Variants in CNTNAP2 observed in about 807,000 individuals in gnomAD.
CNTNAP2 encodes contactin associated protein 2, also known as contactin-associated protein-like 2.
In CNTNAP2, 98 loss-of-function variants were observed where a neutral mutation model predicts 155.2. The ratio of observed to expected loss-of-function variants is 0.63; its 90% CI spans 0.54 to 0.75. CNTNAP2 has a LOEUF of 0.75. CNTNAP2 is among the 30% of genes least tolerant of loss of function. The pLI is 0.00. For missense variants in CNTNAP2, 1,727 were observed against 1,688.1 expected (o/e 1.02, Z -0.40); for synonymous variants, 651 against 631.2 (o/e 1.03, Z -0.47).
intron 16 of CNTNAP2, among the ~76,000 whole-genome samples, chr7:148,142,738 A>C (rs1805100657): frequency 6.6e-6 from 1 of 152,188 alleles, no homozygotes; most frequent in Non-Finnish European, 1.5e-5. Context: ...CTGCTGAGAA[A>C]ACTTAGAGCC....
intron 8 of CNTNAP2, among the ~76,000 whole-genome samples, chr7:147,191,117 G>T (rs900639581): frequency 1.1e-4 from 17 of 152,218 alleles, no homozygotes; most frequent in African/African-American, 3.9e-4. Flanking sequence ...ATAGAGACAG[G>T]GTGGGAGAGG....
At chr7:148,067,140 C>T (rs769337901) in intron 15 of CNTNAP2, among the ~76,000 whole-genome samples, 28 of 152,132 alleles carry the variant, frequency 1.8e-4, no homozygotes, top group Non-Finnish European at 3.5e-4. Flanking sequence ...CCATTGCTGG[C>T]GAGCTAGTGT....
At chr7:148,138,956 G>C (rs1227427878) in intron 16 of CNTNAP2, among the ~76,000 whole-genome samples, 1 of 152,090 alleles carries the variant, frequency 6.6e-6, no homozygotes. Flanking sequence ...AATTAGAAGA[G>C]CTTTGCATTT....
intron 1 of CNTNAP2, among the ~76,000 whole-genome samples, chr7:146,737,719 G>A (rs944850877): frequency 6.6e-6 from 1 of 151,894 alleles, no homozygotes; most frequent in African/African-American, 2.4e-5. Context: ...TTTGAGAAAT[G>A]CCTATTCAGA....
chr7:147,620,839 A>G (rs549817505), intron 12 of CNTNAP2, among the ~76,000 whole-genome samples: 2 of 152,256 alleles, frequency 1.3e-5, no homozygotes, highest in African/African-American at 4.8e-5. Context: ...CAAAGGTATA[A>G]TAACAAAACC....
chr7:146,261,680 A>G (rs559756488), intron 1 of CNTNAP2, among the ~76,000 whole-genome samples: 104 of 152,210 alleles, frequency 6.8e-4, no homozygotes, highest in African/African-American at 2.4e-3. Flanking sequence ...CTGATAACTC[A>G]TATATTGTAG....
chr7:147,141,926 G>A (rs1471257711), intron 8 of CNTNAP2, among the ~76,000 whole-genome samples: 1 of 151,988 alleles, frequency 6.6e-6, no homozygotes, highest in Admixed American at 6.6e-5. Context: ...TAAAGAATAA[G>A]TCCTGAGACT....
chr7:146,536,069 C>T (rs1032707008), intron 1 of CNTNAP2, among the ~76,000 whole-genome samples: 7 of 152,088 alleles, frequency 4.6e-5, no homozygotes, highest in Non-Finnish European at 1.0e-4. Context: ...TCTCCTTTCT[C>T]CCTCATTCTA....
intron 12 of CNTNAP2, among the ~76,000 whole-genome samples, chr7:147,587,892 A>G (rs1170571082): frequency 6.6e-6 from 1 of 152,170 alleles, no homozygotes; most frequent in Non-Finnish European, 1.5e-5. Context: ...ATATTATGTT[A>G]GAAGCCAGAA....
chr7:148,233,469 G>A (rs1471581685), intron 20 of CNTNAP2, among the ~76,000 whole-genome samples: 1 of 152,096 alleles, frequency 6.6e-6, no homozygotes, highest in Non-Finnish European at 1.5e-5. Flanking sequence ...TGAACTTCTC[G>A]GCAGCCAGAA....
intron 3 of CNTNAP2, among the ~76,000 whole-genome samples, chr7:146,936,652 C>T (rs920532375): frequency 1.3e-5 from 2 of 152,178 alleles, no homozygotes; most frequent in African/African-American, 4.8e-5. Context: ...AGATTGAAAA[C>T]CTGACTTAGA....
intron 21 of CNTNAP2, among the ~76,000 whole-genome samples, chr7:148,282,594 A>G (rs1286571076): frequency 6.6e-6 from 1 of 152,184 alleles, no homozygotes. Context: ...TAGCTAATAC[A>G]AATAAAGAAT....
At chr7:146,847,391 G>GT (rs1175141387) in intron 3 of CNTNAP2, among the ~76,000 whole-genome samples, 3 of 152,116 alleles carry the variant, frequency 2.0e-5, no homozygotes. Context: ...ATAGATCTGT[G>GT]TATCTTCACG....
intron 15 of CNTNAP2, among the ~76,000 whole-genome samples, chr7:148,076,941 G>A (rs913214045): frequency 6.6e-6 from 1 of 152,066 alleles, no homozygotes; most frequent in Non-Finnish European, 1.5e-5. Flanking sequence ...GTATGCATGG[G>A]GTAGACTGGA....
chr7:147,364,223 A>G (rs925306275), intron 9 of CNTNAP2, among the ~76,000 whole-genome samples: 1 of 152,212 alleles, frequency 6.6e-6, no homozygotes, highest in African/African-American at 2.4e-5. Context: ...AAAAGATCCA[A>G]AATACTTGGT....
chr7:148,408,097 T>C (rs1310543680), intron 22 of CNTNAP2, among the ~76,000 whole-genome samples: 1 of 151,906 alleles, frequency 6.6e-6, no homozygotes, highest in Non-Finnish European at 1.5e-5. Context: ...ATACAAAAAT[T>C]AGCCAGGCAT....
chr7:148,296,653 T>C (rs1029828566), intron 21 of CNTNAP2, among the ~76,000 whole-genome samples: 3 of 150,498 alleles, frequency 2.0e-5, no homozygotes, highest in African/African-American at 7.4e-5. Flanking sequence ...TCATAGAAAA[T>C]GCCCAGTTTT....
intron 8 of CNTNAP2, among the ~76,000 whole-genome samples, chr7:147,153,527 GA>G (rs1801866328): frequency 6.6e-6 from 1 of 152,096 alleles, no homozygotes; most frequent in African/African-American, 2.4e-5. Context: ...ATATCTGGGG[GA>G]AAAACATTCC....
chr7:147,986,738 T>A (rs542816082), intron 15 of CNTNAP2, among the ~76,000 whole-genome samples: 2 of 151,974 alleles, frequency 1.3e-5, no homozygotes, highest in African/African-American at 4.8e-5. Context: ...AACAGCTGAG[T>A]GGGTATCAGA....
Sources: allele counts gnomAD v4.1 joint callset (sites outside exome capture counted in the v4.1 genomes callset), GRCh38; gene constraint gnomAD v4.1.1; transcripts MANE v1.5; gene names NCBI Gene and HGNC (gene_info 2026-07-23, HGNC 2026-07-21).